Variants in CCR5AS observed in about 807,000 individuals in gnomAD.
CCR5AS encodes the protein CCR5 antisense RNA.
intron 2 of CCR5AS, among the ~76,000 whole-genome samples, chr3:46,372,031 C>G (rs1224291423): frequency 6.6e-6 from 1 of 152,220 alleles, no homozygotes; most frequent in Non-Finnish European, 1.5e-5. Flanking sequence ...TACTCACCCT[C>G]TCTGTGCTTC....
chr3:46,366,806 G>T (rs1403420175), intron 3 of CCR5AS, among the ~76,000 whole-genome samples: 1 of 152,170 alleles, frequency 6.6e-6, no homozygotes, highest in African/African-American at 2.4e-5. Flanking sequence ...GCGTGGCACT[G>T]GATGGGGGTA....
At chr3:46,378,814 A>G (rs1478511504) in intron 2 of CCR5AS, among the ~76,000 whole-genome samples, 1 of 152,078 alleles carries the variant, frequency 6.6e-6, no homozygotes, top group East Asian at 1.9e-4. Context: ...ACCCAGACCA[A>G]TCTCTGCAGT....
intron 2 of CCR5AS, among the ~76,000 whole-genome samples, chr3:46,390,882 A>G (rs1701905643): frequency 6.6e-6 from 1 of 152,212 alleles, no homozygotes. Context: ...GGCAAGGGAA[A>G]CAGGCCCTTG....
chr3:46,385,388 G>A (rs1458394723), intron 2 of CCR5AS, among the ~76,000 whole-genome samples: 1 of 152,180 alleles, frequency 6.6e-6, no homozygotes, highest in Non-Finnish European at 1.5e-5. Flanking sequence ...TAATCCAGGG[G>A]TCAATAAGAA....
Position 46,379,757 on chromosome 3 carries a change from C to T in CCR5AS, n.392-8340G>A, listed in dbSNP as rs564732773. Among the ~76,000 whole-genome samples, 137 of 152,132 alleles carry T rather than the reference C, an allele frequency of 9.0e-4. No homozygotes were observed. The Middle Eastern group carries it at 0.014, about 15-fold the overall frequency. The stretch of plus-strand genomic sequence containing the variant: ...CTAAAAATACAAAAAATTAGCCAGA[C>T]GTGGTGGCGGGTGCTTGTAATCCCA... On this transcript the variant is annotated intron_variant and non_coding_transcript_variant, in intron 2 of 3. Coordinates refer to ENST00000451485, the Ensembl canonical transcript of CCR5AS.
intron 1 of CCR5AS, chr3:46,393,124 T>C (rs996984729): frequency 6.6e-6 from 1 of 151,744 alleles, no homozygotes; most frequent in African/African-American, 2.4e-5. Flanking sequence ...AATGGAAAAT[T>C]ACAGTTAAAG....
At chr3:46,373,693 T>C in intron 2 of CCR5AS, 1 of 1,614,152 alleles carries the variant, frequency 6.2e-7, no homozygotes, top group Non-Finnish European at 8.5e-7. Context: ...CAGGAATTCT[T>C]TGGCCTGAAT....
chr3:46,373,103 C>T, intron 2 of CCR5AS: 1 of 1,614,194 alleles, frequency 6.2e-7, no homozygotes, highest in East Asian at 2.2e-5. Context: ...TGACTGACAT[C>T]TACCTGCTCA....
At chr3:46,386,265 T>C (rs1701861790) in intron 2 of CCR5AS, among the ~76,000 whole-genome samples, 1 of 152,172 alleles carries the variant, frequency 6.6e-6, no homozygotes, top group African/African-American at 2.4e-5. Flanking sequence ...TAAATCTCTC[T>C]ACTTTCACTT....
chr3:46,390,605 A>G (rs1303274018), intron 2 of CCR5AS, among the ~76,000 whole-genome samples: 1 of 152,112 alleles, frequency 6.6e-6, no homozygotes, highest in Non-Finnish European at 1.5e-5. Flanking sequence ...GGTATCTTAT[A>G]CTTGTGGATT....
intron 2 of CCR5AS, among the ~76,000 whole-genome samples, chr3:46,382,459 C>T (rs990576731): frequency 6.6e-6 from 1 of 152,158 alleles, no homozygotes; most frequent in African/African-American, 2.4e-5. Flanking sequence ...ATTACACTTC[C>T]GCTCTTAAAC....
rs1213795271 is a variant in CCR5AS, at chr3:46,395,695, CA to C, written n.164-2644del. ...TTCCCTCCTTCCGCCTAGAAAAGCA[CA>C]ACTTCTGCCCCCAAGCCCTGGGCTC... On this transcript the variant is annotated intron_variant and non_coding_transcript_variant, in intron 1 of 3. Coordinates refer to ENST00000451485, the Ensembl canonical transcript of CCR5AS. Among the ~76,000 whole-genome samples the C allele has an allele frequency of 2.0e-5, 3 of 152,204 alleles. No individual in the cohort carries two copies. In the East Asian group the frequency reaches 5.8e-4, roughly 29 times the overall value.
intron 2 of CCR5AS, among the ~76,000 whole-genome samples, chr3:46,385,457 T>G (rs905620192): frequency 6.6e-6 from 1 of 152,224 alleles, no homozygotes. Context: ...AATATGGTGC[T>G]GAGTTTCTCC....
chr3:46,370,875 C>G (rs1169086025), intron 3 of CCR5AS: 1 of 152,182 alleles, frequency 6.6e-6, no homozygotes, highest in Non-Finnish European at 1.5e-5. Context: ...TAACTCCACC[C>G]TCCTTCAAAA....
chr3:46,397,118 C>T (rs1301730697), intron 1 of CCR5AS, among the ~76,000 whole-genome samples: 1 of 152,188 alleles, frequency 6.6e-6, no homozygotes, highest in Non-Finnish European at 1.5e-5. Context: ...TCCATGCGCC[C>T]TTGACTGAGG....
chr3:46,402,411 A>T (rs1051696414), intron 1 of CCR5AS, among the ~76,000 whole-genome samples: 1 of 152,234 alleles, frequency 6.6e-6, no homozygotes, highest in African/African-American at 2.4e-5. Context: ...ACTCAATATC[A>T]AACAACTAAT....
rs577113895 is a variant in CCR5AS at position 46,368,942 on chromosome 3, G to A, written n.565+2302C>T. ...ATACAGTGTTGGTCCGGCAGCCTCCGGGGGTTCTGCACAAGTGGATTACCA... is the reference window on the plus strand; with the variant it reads ...ATACAGTGTTGGTCCGGCAGCCTCCAGGGGTTCTGCACAAGTGGATTACCA... On this transcript the variant is annotated intron_variant and non_coding_transcript_variant, in intron 3 of 3. Coordinates refer to ENST00000451485, the Ensembl canonical transcript of CCR5AS. Among the ~76,000 whole-genome samples the A allele has an allele frequency of 2.0e-4, 31 of 152,278 alleles. No individual in the cohort carries two copies. In the East Asian group the frequency reaches 2.1e-3, roughly 10 times the overall value.
chr3:46,376,894 T>C (rs1701766747), intron 2 of CCR5AS, among the ~76,000 whole-genome samples: 1 of 152,098 alleles, frequency 6.6e-6, no homozygotes, highest in Non-Finnish European at 1.5e-5. Flanking sequence ...GTGGTCCTAT[T>C]TGGAGGTGCA....
intron 3 of CCR5AS, among the ~76,000 whole-genome samples, chr3:46,370,183 A>G (rs1701643184): frequency 1.3e-5 from 2 of 152,158 alleles, no homozygotes; most frequent in Non-Finnish European, 1.5e-5. Flanking sequence ...CCTGCCACCT[A>G]TGTATCTGGC....
Sources: gnomAD v4.1 joint callset for allele counts (sites outside exome capture counted in the v4.1 genomes callset) on GRCh38, gnomAD v4.1.1 for gene constraint, MANE v1.5 for transcripts, NCBI Gene and HGNC (gene_info 2026-07-23, HGNC 2026-07-21) for gene names.